PTPRN2: variants seen among roughly 807,000 people sequenced by gnomAD.
The protein encoded by PTPRN2 is receptor-type tyrosine-protein phosphatase N2.
Under a neutral mutation model 118.8 loss-of-function variants are expected in PTPRN2, and 74 were observed. The ratio of observed to expected loss-of-function variants is 0.62; its 90% CI spans 0.52 to 0.76. The LOEUF is 0.76. PTPRN2 is among the 30% of genes least tolerant of loss of function. The pLI, the probability that PTPRN2 is intolerant of heterozygous loss-of-function variation, is 0.00. For synonymous variants in PTPRN2, 641 were observed against 608.0 expected (o/e 1.05, Z -0.80); for missense variants, 1,481 against 1,394.4 (o/e 1.06, Z -0.99).
intron 11 of PTPRN2, among the ~76,000 whole-genome samples, chr7:158,037,273 G>A (rs1808151303): frequency 6.6e-6 from 1 of 152,232 alleles, no homozygotes; most frequent in Non-Finnish European, 1.5e-5. Flanking sequence ...GTACAGAAGT[G>A]GATGGGAAGA....
At chr7:157,558,712 C>T (rs928201689) in intron 21 of PTPRN2, among the ~76,000 whole-genome samples, 5 of 152,224 alleles carry the variant, frequency 3.3e-5, no homozygotes, top group African/African-American at 4.8e-5. Context: ...CTGCTGCTTC[C>T]GGGGGCCTGG....
intron 1 of PTPRN2, among the ~76,000 whole-genome samples, chr7:158,554,367 G>A (rs1826845348): frequency 6.6e-6 from 1 of 152,232 alleles, no homozygotes; most frequent in Non-Finnish European, 1.5e-5. Context: ...TTGGTTGGTT[G>A]TTTAGGGCAC....
chr7:157,687,118 G>GA (rs113861216), intron 12 of PTPRN2, among the ~76,000 whole-genome samples: 10,430 of 152,034 alleles, frequency 0.069, 608 homozygotes, highest in African/African-American at 0.14. Flanking sequence ...ACACTGTCCT[G>GA]ACCAATTTAA....
At chr7:157,876,759 C>T (rs1421042720) in intron 12 of PTPRN2, among the ~76,000 whole-genome samples, 2 of 152,120 alleles carry the variant, frequency 1.3e-5, no homozygotes, top group African/African-American at 2.4e-5. Context: ...CACCCCAGGG[C>T]GGAGAACTTT....
intron 10 of PTPRN2, among the ~76,000 whole-genome samples, chr7:158,097,852 A>C (rs1314678040): frequency 6.6e-6 from 1 of 152,246 alleles, no homozygotes; most frequent in East Asian, 1.9e-4. Context: ...CATAACTAGC[A>C]CTTCCACAAA....
chr7:158,580,465 C>T (rs935147430), intron 1 of PTPRN2, among the ~76,000 whole-genome samples: 1 of 152,198 alleles, frequency 6.6e-6, no homozygotes, highest in Non-Finnish European at 1.5e-5. Flanking sequence ...CAGAACACTG[C>T]ATCAGAAGCC....
At chr7:157,549,544 G>A (rs1206092763) in intron 21 of PTPRN2, among the ~76,000 whole-genome samples, 3 of 152,156 alleles carry the variant, frequency 2.0e-5, no homozygotes, top group African/African-American at 4.8e-5. Context: ...AAAGGTGCCC[G>A]TAGCTACTCC....
At chr7:158,130,517 TAC>T (rs757199962) in intron 9 of PTPRN2, among the ~76,000 whole-genome samples, 4 of 142,518 alleles carry the variant, frequency 2.8e-5, no homozygotes, top group Admixed American at 6.9e-5. Flanking sequence ...CACACACTCA[TAC>T]ACACACACGT....
chr7:158,171,294 C>T (rs200452660), intron 5 of PTPRN2, among the ~76,000 whole-genome samples: 1,055 of 62,102 alleles, frequency 0.017, 136 homozygotes, highest in African/African-American at 0.077. Context: ...TATATACACA[C>T]ATATATATAC....
In PTPRN2 at chr7:157,810,683, C is replaced by T. The variant is rs567324221; in HGVS notation, c.1788+87990G>A. Among the ~76,000 whole-genome samples the T allele has an allele frequency of 2.9e-3, 310 of 105,766 alleles. 3 individuals are homozygous for T. The highest frequency in any genetic ancestry group is 8.0e-4 in the Non-Finnish European group (43 of 53,526). 69.4% of individuals were successfully genotyped at this position (105,766 alleles called of 152,430 possible). The stretch of plus-strand genomic sequence containing the variant: ...CTGGGGGCTGGGCTCTTCACGGGGA[C>T]GGCGGGACTTCTGGGGGCTGGCTCT... On this transcript the variant is annotated intron_variant, in intron 12 of 22. Coordinates refer to ENST00000389418, the MANE Select transcript of PTPRN2 (RefSeq NM_002847.5).
At chr7:158,209,916 A>G (rs1179406791) in intron 3 of PTPRN2, among the ~76,000 whole-genome samples, 1 of 152,232 alleles carries the variant, frequency 6.6e-6, no homozygotes, top group Non-Finnish European at 1.5e-5. Flanking sequence ...CTATACAAAC[A>G]CATGGAAATT....
intron 2 of PTPRN2, among the ~76,000 whole-genome samples, chr7:158,355,673 G>C (rs1808334451): frequency 6.6e-6 from 1 of 152,130 alleles, no homozygotes; most frequent in Admixed American, 6.5e-5. Flanking sequence ...CTCATTTGCT[G>C]GACTCTGCAG....
chr7:157,649,495 C>G lies in PTPRN2; in HGVS notation c.2196+6862G>C, dbSNP rs1363906373. Among the ~76,000 whole-genome samples, 16 of 115,208 alleles carry G rather than the reference C, an allele frequency of 1.4e-4. No individual in the cohort carries two copies. The East Asian group carries it at 1.6e-3, about 11-fold the overall frequency. The allele number at this position is 115,208 out of a possible 152,430, so 75.6% of individuals were successfully genotyped here. A position where few individuals can be genotyped will look rare whatever the true frequency, so the allele number is the denominator to read the frequency against. ...GAACTCGGTGGGTCGGACCCATCCA[C>G]TGTGCACTGAACTCGGTGGGTCGGA... On this transcript the variant is annotated intron_variant, in intron 14 of 22. Coordinates refer to ENST00000389418, the MANE Select transcript of PTPRN2 (RefSeq NM_002847.5).
chr7:157,798,846 C>T (rs907705582), intron 12 of PTPRN2, among the ~76,000 whole-genome samples: 6 of 151,918 alleles, frequency 3.9e-5, no homozygotes, highest in Admixed American at 1.3e-4. Flanking sequence ...GCAGGGTGGG[C>T]GTCCCACCGG....
Position 158,022,501 on chromosome 7 carries a change from C to T in PTPRN2, c.1723+58797G>A, listed in dbSNP as rs1321236876. ...CCGTAATGTGTTCATAGCCAAGGCCCCGGCACCCGGGCACTCTGTCTGGGG... is the reference window on the plus strand; with the variant it reads ...CCGTAATGTGTTCATAGCCAAGGCCTCGGCACCCGGGCACTCTGTCTGGGG... On this transcript the variant is annotated intron_variant, in intron 11 of 22. Coordinates refer to ENST00000389418, the MANE Select transcript of PTPRN2 (RefSeq NM_002847.5). The surrounding 1 kb of genome is among the most constrained non-coding windows in gnomAD (Gnocchi z 4.6). Among the ~76,000 whole-genome samples, 2 of 152,024 alleles carry T rather than the reference C, an allele frequency of 1.3e-5. No individual in the cohort carries two copies. The highest frequency in any genetic ancestry group is 2.9e-5 in the Non-Finnish European group (2 of 67,970).
intron 3 of PTPRN2, among the ~76,000 whole-genome samples, chr7:158,256,238 C>A (rs1797010279): frequency 6.6e-6 from 1 of 152,160 alleles, no homozygotes; most frequent in African/African-American, 2.4e-5. Context: ...CAAGCTCTGT[C>A]CCCCACACAA....
At chr7:158,252,032 CTCA>C (rs1447679384) in intron 3 of PTPRN2, among the ~76,000 whole-genome samples, 6 of 152,188 alleles carry the variant, frequency 3.9e-5, no homozygotes, top group Admixed American at 3.9e-4. Flanking sequence ...CTCTGGCCTC[CTCA>C]TCGTCTGTGG....
chr7:157,871,478 C>T (rs1811043745), intron 12 of PTPRN2, among the ~76,000 whole-genome samples: 1 of 152,042 alleles, frequency 6.6e-6, no homozygotes, highest in Non-Finnish European at 1.5e-5. Context: ...GACTCAAGGT[C>T]GCGTTCATCG....
chr7:158,346,055 T>C (rs566350337), intron 2 of PTPRN2, among the ~76,000 whole-genome samples: 19 of 152,256 alleles, frequency 1.2e-4, no homozygotes, highest in Non-Finnish European at 2.6e-4. Flanking sequence ...CCAAACCATA[T>C]CAATGGGTAC....
Sources: allele counts gnomAD v4.1 joint callset (sites outside exome capture counted in the v4.1 genomes callset), GRCh38; gene constraint gnomAD v4.1.1; non-coding constraint Gnocchi (gnomAD v3.1); transcripts MANE v1.5; gene names NCBI Gene and HGNC (gene_info 2026-07-23, HGNC 2026-07-21).